The following CP variants were observed in gnomAD, a reference collection of about 807,000 sequenced individuals.
CP encodes caeruloplasmin.
Under a neutral mutation model 122.4 loss-of-function variants are expected in CP, and 64 were observed. The observed-to-expected ratio is 0.52, with a 90% CI of 0.43 to 0.64. The LOEUF is 0.64. CP is among the 30% of genes least tolerant of loss of function. CP has a pLI of 0.00. For missense variants in CP, 1,167 were observed against 1,284.4 expected, an observed-to-expected ratio of 0.91 and a Z score of 1.40; for synonymous variants, 440 against 436.4, an observed-to-expected ratio of 1.01 and a Z score of -0.10.
Position 149,199,803 on chromosome 3 carries a change from TG to T in CP, c.1409del (p.Ala470AspfsTer11). 1 of 1,614,126 alleles carries T rather than the reference TG, an allele frequency of 6.2e-7. No homozygotes were observed. Among genetic ancestry groups the T allele is most frequent in the African/African-American group, 1.3e-5 (1 of 75,068 alleles). On this transcript the variant is annotated frameshift_variant, in exon 8 of 19. Transcript: ENST00000264613. LOFTEE classifies it high-confidence loss of function. ...CAATCGGCTCAATACTGAGGGGATA[TG>T]CTCCTTTGTTATGGAAGGTTACTCT... The part of the protein sequence containing the change: ...TIRVTFHNKG[A>X]YPLSIEPIGV...
chr3:149,204,065 G>A lies in CP; in HGVS notation c.1209-1824C>T, dbSNP rs115451605. On this transcript the variant is annotated intron_variant, in intron 6 of 18. Coordinates refer to ENST00000264613, the MANE Select transcript of CP (RefSeq NM_000096.4). The stretch of plus-strand genomic sequence containing the variant: ...TATGAGCAGGCTTAGAGAAAAGAGC[G>A]AGCATGCCATGTTCTAGAAAATATG... Among the ~76,000 whole-genome samples the A allele has an allele frequency of 3.9e-3, 587 of 152,264 alleles. 2 individuals carry two copies. Among genetic ancestry groups the A allele is most frequent in the Non-Finnish European group, 6.7e-3 (455 of 68,018 alleles).
downstream of CP, among the ~76,000 whole-genome samples, chr3:149,169,536 GTGTGCGTGGGGGTTTCCCC>G (rs962621657): frequency 6.6e-6 from 1 of 152,194 alleles, no homozygotes; most frequent in African/African-American, 2.4e-5. Context: ...GTAATTGTCC[GTGTGCGTGGGGGTTTCCCC>G]TGTGCATTTT....
At chr3:149,216,666 AG>A (rs1353729068) in intron 1 of CP, among the ~76,000 whole-genome samples, 3 of 152,200 alleles carry the variant, frequency 2.0e-5, no homozygotes, top group African/African-American at 7.2e-5. Context: ...GACTCAACCT[AG>A]GTATATATAA....
chr3:149,190,767 G>A (rs534182165), intron 9 of CP, among the ~76,000 whole-genome samples: 1 of 151,942 alleles, frequency 6.6e-6, no homozygotes, highest in East Asian at 1.9e-4. Flanking sequence ...TCTCTAGGGA[G>A]CAGATGGTTC....
chr3:149,199,950 C>T, intron 7 of CP, 86 bp from the exon 8 acceptor site: 1 of 1,363,460 alleles, frequency 7.3e-7, no homozygotes, highest in Non-Finnish European at 1.0e-6. Flanking sequence ...ACTGTGTTCT[C>T]TGGCAAGAAC....
chr3:149,193,679 G>T (rs1726698170), intron 9 of CP, among the ~76,000 whole-genome samples: 1 of 152,134 alleles, frequency 6.6e-6, no homozygotes, highest in Non-Finnish European at 1.5e-5. Context: ...TGTGTTGTAT[G>T]CATTTAGACA....
At chr3:149,167,100 G>C (rs1724499448) in intron 4 of CP, 2 of 1,613,844 alleles carry the variant, frequency 1.2e-6, no homozygotes, top group Non-Finnish European at 1.7e-6. Context: ...ACTTTCAGAA[G>C]ACACTATTGC....
chr3:149,199,930 A>G (rs1727188405), intron 7 of CP, 66 bp from the exon 8 acceptor site: 2 of 1,518,550 alleles, frequency 1.3e-6, no homozygotes, highest in South Asian at 2.3e-5. Context: ...TAAGATAGTT[A>G]TCTTCTTTGA....
Position 149,208,377 on chromosome 3 carries a change from C to G in CP, c.782-760G>C, listed in dbSNP as rs545153508. 3.6e-4 allele frequency among the ~76,000 whole-genome samples: 55 copies of G among 152,198 alleles called. 1 individual carries two copies. The South Asian group carries it at 0.011, about 31-fold the overall frequency. ...TAGAATTTTGAGTATCTTTTTATAA[C>G]AACTATTTTTGTTAGTACACAACAG... On this transcript the variant is annotated intron_variant, in intron 4 of 18. Transcript: ENST00000264613.
downstream of CP, chr3:149,170,529 G>A (rs1724875090): frequency 1.3e-5 from 2 of 152,178 alleles, no homozygotes; most frequent in Non-Finnish European, 2.9e-5. Flanking sequence ...TATAAATGAG[G>A]AACCTAGGAC....
downstream of CP, chr3:149,172,011 G>A (rs1388321062): frequency 3.0e-5 from 42 of 1,412,770 alleles, no homozygotes; most frequent in Non-Finnish European, 3.5e-5. Context: ...GGCCTGAACT[G>A]GCTTCTAATT....
chr3:149,185,549 T>A, intron 11 of CP, 103 bp from the exon 12 acceptor site: 1 of 1,061,424 alleles, frequency 9.4e-7, no homozygotes. Context: ...TGGCCTCAGG[T>A]GATCTAGCTT....
rs1240271370 is a variant in CP at position 149,181,996 on chromosome 3, C to T, written c.2554+9G>A. The T allele has an allele frequency of 1.9e-5, 24 of 1,247,950 alleles. No homozygotes were observed. Among genetic ancestry groups the T allele is most frequent in the East Asian group, 8.2e-5 (2 of 24,420 alleles). 77.3% of individuals were successfully genotyped at this position (1,247,950 alleles called of 1,614,324 possible). The stretch of plus-strand genomic sequence containing the variant: ...AATGCACCACCCCCACCCCCGCCCC[C>T]GTGAGTACCTGGTAATGTTGGAGTA... On this transcript the variant is annotated intron_variant, in intron 14 of 18. Transcript: ENST00000264613.
In CP at chr3:149,186,502, G is replaced by C. The variant is rs1225851992; in HGVS notation, c.2077+18C>G. On this transcript the variant is annotated intron_variant, in intron 11 of 18. Transcript: ENST00000264613. ...ACACAAATCCATCCAATAGAGACTT[G>C]GCTTTAAGTAAATATACCCTCTGTG... 6.2e-7 allele frequency: 1 copy of C among 1,610,134 alleles called. No homozygotes were observed. Among genetic ancestry groups the C allele is most frequent in the South Asian group, 1.1e-5 (1 of 90,958 alleles).
Position 149,198,504 on chromosome 3 carries a change from C to T in CP, c.1576G>A (p.Gly526Arg). The T allele has an allele frequency of 6.2e-7, 1 of 1,614,130 alleles. No individual in the cohort carries two copies. Among genetic ancestry groups the T allele is most frequent in the Non-Finnish European group, 8.5e-7 (1 of 1,180,000 alleles). ...TYEWTVPKEV[G>R]PTNADPVCLA... Reference sequence around the variant, plus strand: ...CACACAGGATCTGCATTAGTGGGTCCTACTTCTTTGGGGACAGTCCATTCA... The same window carrying T: ...CACACAGGATCTGCATTAGTGGGTCTTACTTCTTTGGGGACAGTCCATTCA... Residue 526 changes from glycine to arginine, a missense_variant, in exon 9 of 19, where the codon GGA becomes AGA. Physicochemically the swap from Gly to Arg is moderately radical, Grantham distance 125 (BLOSUM62 -2). Transcript: ENST00000264613.
At chr3:149,178,342 C>G (rs992663777) in intron 16 of CP, 73 bp downstream of exon 16, 138 of 1,207,406 alleles carry the variant, frequency 1.1e-4, no homozygotes, top group Non-Finnish European at 5.4e-5. Context: ...AATGAATGGT[C>G]TCCAAAATAA....
chr3:149,212,466 A>G lies in CP; in HGVS notation c.379T>C (p.Tyr127His). 2 of 1,613,982 alleles carry G rather than the reference A, an allele frequency of 1.2e-6. No individual in the cohort carries two copies. Among genetic ancestry groups the G allele is most frequent in the South Asian group, 1.1e-5 (1 of 91,048 alleles). Residue 127 changes from tyrosine (Y) to histidine (H), a missense_variant, in exon 2 of 19, where the codon TAT becomes CAT. Tyr to His is a moderately conservative substitution (Grantham distance 83, BLOSUM62 2). Around this residue, in one of 2 missense-constraint regions of CP, gnomAD observed 642 missense variants for 627.3 expected, o/e 1.02. Transcript: ENST00000264613. Reference sequence around the variant, plus strand: ...CTGAACTTACCCTCATGTTCCTTATAGTAAGTTATTCCATGTGAATGAAAG... The same window carrying G: ...CTGAACTTACCCTCATGTTCCTTATGGTAAGTTATTCCATGTGAATGAAAG... Reference protein sequence around the residue: ...YTFHSHGITYYKEHEGAIYPD... With the variant: ...YTFHSHGITYHKEHEGAIYPD...
In CP at chr3:149,183,499, T is replaced by A. The variant is rs1431301960; in HGVS notation, c.2392A>T (p.Arg798Ter). The change falls in exon 13 of 19, where the codon AGA (arginine) becomes TGA (stop). Residue 798 changes from arginine (R) to a stop codon, truncating the protein, a stop_gained. Coordinates refer to ENST00000264613, the MANE Select transcript of CP (RefSeq NM_000096.4). LOFTEE classifies it high-confidence loss of function. ...CCCAGATGTTCTTCTTCAGCTTTTC[T>A]CTCCACTGGAACACGGAATGTGCTA... The part of the protein sequence containing the change: ...TDSTFRVPVE[R>*]KAEEEHLGIL... 6.2e-7 allele frequency: 1 copy of A among 1,611,770 alleles called. No homozygotes were observed. Among genetic ancestry groups the A allele is most frequent in the Non-Finnish European group, 8.5e-7 (1 of 1,179,848 alleles).
chr3:149,183,766 T>C (rs1008657276), intron 12 of CP, among the ~76,000 whole-genome samples, 161 bp from the exon 13 acceptor site: 2 of 152,160 alleles, frequency 1.3e-5, no homozygotes, highest in African/African-American at 2.4e-5. Context: ...AATAAGACTT[T>C]AAAAGTCTGT....
Sources: gnomAD v4.1 joint callset for allele counts (sites outside exome capture counted in the v4.1 genomes callset) on GRCh38, gnomAD v4.1.1 for gene constraint, gnomAD v4.1.1 regional missense constraint, MANE v1.5 for transcripts, NCBI Gene and HGNC (gene_info 2026-07-23, HGNC 2026-07-21) for gene names.